CRX: variants seen among roughly 807,000 people sequenced by gnomAD.
The protein encoded by CRX is cone-rod homeobox.
A neutral mutation model predicts 13.1 loss-of-function variants in CRX; 5 were observed. The observed-to-expected ratio is 0.38, with a 90% confidence interval of 0.20 to 0.80. CRX has a LOEUF of 0.80. Ranked by LOEUF, CRX falls within the 30% of genes least tolerant of loss-of-function variation. CRX has a pLI of 0.43. For synonymous variants in CRX, 179 were observed against 171.1 expected, an observed-to-expected ratio of 1.05 and a Z score of -0.36; for missense variants, 351 against 391.8, an observed-to-expected ratio of 0.90 and a Z score of 0.88.
At position 47,842,020 on chromosome 19, in the gene CRX, C is replaced by A. The variant is rs1423178082; in HGVS notation, c.*2053C>A. ...AAGCTAGCAACCGGAGGTCACTGAA[C>A]TAAGAGTTGGGAAGAGATAGGGCAC... On this transcript the variant is annotated 3_prime_UTR_variant, in exon 4 of 4. Coordinates refer to ENST00000221996, the MANE Select transcript of CRX (RefSeq NM_000554.6). The A allele has an allele frequency of 6.6e-6, 1 of 152,270 alleles. No homozygotes were observed. Among genetic ancestry groups the A allele is most frequent in the South Asian group, 2.1e-4 (1 of 4,826 alleles). The allele number at this position is 152,270 out of a possible 1,614,324, so 9.4% of individuals were successfully genotyped here.
At chr19:47,832,726 T>A (rs1213031264) in intron 1 of CRX, among the ~76,000 whole-genome samples, 1 of 152,126 alleles carries the variant, frequency 6.6e-6, no homozygotes, top group Non-Finnish European at 1.5e-5. Flanking sequence ...CCTCAAGTGA[T>A]CTGCCTGCCT....
intron 3 of CRX, among the ~76,000 whole-genome samples, chr19:47,838,180 T>C (rs145448726): frequency 5.3e-5 from 8 of 152,222 alleles, no homozygotes; most frequent in African/African-American, 1.9e-4. Flanking sequence ...ATATGATGTA[T>C]GTATGATCAG....
intron 1 of CRX, among the ~76,000 whole-genome samples, chr19:47,830,768 C>T (rs1968034244): frequency 6.7e-6 from 1 of 149,086 alleles, no homozygotes; most frequent in Non-Finnish European, 1.5e-5. Flanking sequence ...TGCACTCCAG[C>T]CTGGGCGACA....
chr19:47,822,579 C>G (rs1291679888), intron 1 of CRX, among the ~76,000 whole-genome samples: 1 of 152,146 alleles, frequency 6.6e-6, no homozygotes, highest in Non-Finnish European at 1.5e-5. Flanking sequence ...GTGGCTGCAA[C>G]AGGAAGAACT....
rs1037485706 is a variant in CRX at position 47,832,112 on chromosome 19, T to G, written c.-35-2297T>G. 3.7e-5 allele frequency among the ~76,000 whole-genome samples: 5 copies of G among 135,190 alleles called. No homozygotes were observed. In the East Asian group the frequency reaches 5.9e-4, roughly 16 times the overall value. 88.7% of individuals were successfully genotyped at this position (135,190 alleles called of 152,430 possible). A position where few individuals can be genotyped will look rare whatever the true frequency, so the allele number is the denominator to read the frequency against. On this transcript the variant is annotated intron_variant, in intron 1 of 3. Coordinates refer to ENST00000221996, the MANE Select transcript of CRX (RefSeq NM_000554.6). ...TTCAGAGAGCAGCCTTATGTTTTTTTTTTTTTTTTTTGAGACGGAGTCTCG... is the reference window on the plus strand; with the variant it reads ...TTCAGAGAGCAGCCTTATGTTTTTTGTTTTTTTTTTTGAGACGGAGTCTCG...
At chr19:47,824,064 C>A (rs565132335) in intron 1 of CRX, among the ~76,000 whole-genome samples, 1 of 152,272 alleles carries the variant, frequency 6.6e-6, no homozygotes, top group African/African-American at 2.4e-5. Context: ...AAGCTGTCAC[C>A]ATGATCCAGC....
chr19:47,834,569 C>T (rs759140986), intron 2 of CRX, 26 bp downstream of exon 2: 38 of 1,593,202 alleles, frequency 2.4e-5, no homozygotes, highest in Non-Finnish European at 3.3e-5. Flanking sequence ...TCTCTTGGCA[C>T]CCCAGGCTGG....
At position 47,828,893 on chromosome 19, in the gene CRX, AACACACACACACACACACACACAC is replaced by A. The variant is rs59471457; in HGVS notation, c.-35-5490_-35-5467del. Among the ~76,000 whole-genome samples the A allele has an allele frequency of 2.2e-3, 291 of 134,144 alleles. 2 individuals are homozygous for A. The highest frequency in any genetic ancestry group is 7.4e-3 in the African/African-American group (263 of 35,454). 88.0% of individuals were successfully genotyped at this position (134,144 alleles called of 152,430 possible). A position where few individuals can be genotyped will look rare whatever the true frequency, so the allele number is the denominator to read the frequency against. On this transcript the variant is annotated intron_variant, in intron 1 of 3. Transcript: ENST00000221996. ...TATTGTTGTTTTTGCTTTTGACAAG[AACACACACACACACACACACACAC>A]ACACACACACACACACACACACACA... is the stretch of plus-strand genomic sequence containing the variant.
chr19:47,824,517 G>C (rs961666554), intron 1 of CRX, among the ~76,000 whole-genome samples: 1 of 152,168 alleles, frequency 6.6e-6, no homozygotes, highest in Non-Finnish European at 1.5e-5. Context: ...AGTTACTGTT[G>C]CCTGAGATCT....
rs769355351 is a variant in CRX, at chr19:47,839,731, C to A, written c.664C>A (p.Leu222Ile). Residue 222 changes from leucine to isoleucine, a missense_variant, in exon 4 of 4, where the codon CTT becomes ATT. Physicochemically the swap from Leu to Ile is conservative, Grantham distance 5. Around this residue, in one of 3 missense-constraint regions of CRX, gnomAD observed 253 missense variants for 268.3 expected, o/e 0.94. Coordinates refer to ENST00000221996, the MANE Select transcript of CRX (RefSeq NM_000554.6). This position sits in a 1 kb window ranked among gnomAD's most constrained non-coding sequence, Gnocchi z 4.6. The part of the protein sequence containing the change: ...SSYFSGLDPY[L>I]SPMVPQLGGP... Reference sequence around the variant, plus strand: ...CTATTTCAGCGGCCTAGACCCCTACCTTTCTCCCATGGTGCCCCAGCTAGG... The same window carrying A: ...CTATTTCAGCGGCCTAGACCCCTACATTTCTCCCATGGTGCCCCAGCTAGG... 7 of 1,614,106 alleles carry A rather than the reference C, an allele frequency of 4.3e-6. No homozygotes were observed. In the South Asian group the frequency reaches 7.7e-5, roughly 18 times the overall value.
intron 1 of CRX, among the ~76,000 whole-genome samples, chr19:47,822,587 A>T (rs1967925326): frequency 6.6e-6 from 1 of 151,970 alleles, no homozygotes; most frequent in Non-Finnish European, 1.5e-5. Context: ...AACAGGAAGA[A>T]CTCCGGGTGG....
In CRX at chr19:47,829,804, A is replaced by ATTT. The variant is rs71180889; in HGVS notation, c.-35-4596_-35-4594dup. 2.9e-3 allele frequency among the ~76,000 whole-genome samples: 409 copies of ATTT among 141,684 alleles called. 1 individual carries two copies. The highest frequency in any genetic ancestry group is 7.7e-3 in the Middle Eastern group (2 of 260). The allele number at this position is 141,684 out of a possible 152,430, so 93.0% of individuals were successfully genotyped here. Reference sequence around the variant, plus strand: ...ACCACCATGCCTGACCAATTTTTGTATTTTTTTTTTTGTGGAGACAGCGTT... The same window carrying ATTT: ...ACCACCATGCCTGACCAATTTTTGTATTTTTTTTTTTTTTGTGGAGACAGCGTT... On this transcript the variant is annotated intron_variant, in intron 1 of 3. Transcript: ENST00000221996.
intron 1 of CRX, among the ~76,000 whole-genome samples, chr19:47,827,949 T>A (rs1967996246): frequency 7.4e-6 from 1 of 135,914 alleles, no homozygotes; most frequent in Non-Finnish European, 1.5e-5. Flanking sequence ...AGGTCAGGAG[T>A]TCGAGACCAG....
At chr19:47,825,611 C>A (rs1967965524) in intron 1 of CRX, among the ~76,000 whole-genome samples, 1 of 152,126 alleles carries the variant, frequency 6.6e-6, no homozygotes, top group Non-Finnish European at 1.5e-5. Context: ...AGCCTCCTCT[C>A]CCCTATCCGT....
At chr19:47,834,843 C>T (rs561121834) in intron 2 of CRX, among the ~76,000 whole-genome samples, 45 of 152,246 alleles carry the variant, frequency 3.0e-4, no homozygotes, top group Non-Finnish European at 6.0e-4. Flanking sequence ...CAAGGTCTCA[C>T]ACTCTGTCAC....
At chr19:47,834,329 A>T in intron 1 of CRX, 80 bp from the exon 2 acceptor site, 1 of 814,528 alleles carries the variant, frequency 1.2e-6, no homozygotes. Context: ...AGAAGGAGGC[A>T]GGATTTGAAT....
At chr19:47,827,653 A>AAGC (rs1967990831) in intron 1 of CRX, among the ~76,000 whole-genome samples, 1 of 143,476 alleles carries the variant, frequency 7.0e-6, no homozygotes, top group African/African-American at 2.6e-5. Context: ...ATTCTCAAGT[A>AAGC]GTTGGGATTA....
chr19:47,841,947 G>C lies in CRX; in HGVS notation c.*1980G>C, dbSNP rs911747777. On this transcript the variant is annotated 3_prime_UTR_variant, in exon 4 of 4. Coordinates refer to ENST00000221996, the MANE Select transcript of CRX (RefSeq NM_000554.6). Reference sequence around the variant, plus strand: ...GGAAGAGGAAAAGGTTGGTTGTGGAGTGTTTGTCAGTTTCCGTGGTGTAAA... The same window carrying C: ...GGAAGAGGAAAAGGTTGGTTGTGGACTGTTTGTCAGTTTCCGTGGTGTAAA... The C allele has an allele frequency of 3.9e-5, 6 of 152,194 alleles. No homozygotes were observed. The highest frequency in any genetic ancestry group is 1.4e-4 in the African/African-American group (6 of 41,432). The allele number at this position is 152,194 out of a possible 1,614,324, so 9.4% of individuals were successfully genotyped here.
Position 47,824,361 on chromosome 19 carries a change from C to T in CRX, c.-36+2351C>T, listed in dbSNP as rs183700058. 2.0e-5 allele frequency among the ~76,000 whole-genome samples: 3 copies of T among 152,264 alleles called. No individual in the cohort carries two copies. The East Asian group carries it at 5.8e-4, about 29-fold the overall frequency. On this transcript the variant is annotated intron_variant, in intron 1 of 3. Transcript: ENST00000221996. ...ATATCGCCGGGTGATCAGGAGGGCA[C>T]CGGCTCCGGGGCAGGTGCTGGCCCA... is the stretch of plus-strand genomic sequence containing the variant.
Sources: gnomAD v4.1 joint callset for allele counts (sites outside exome capture counted in the v4.1 genomes callset) on GRCh38, gnomAD v4.1.1 for gene constraint, gnomAD v4.1.1 regional missense constraint, Gnocchi (gnomAD v3.1) non-coding constraint, MANE v1.5 for transcripts, NCBI Gene and HGNC (gene_info 2026-07-23, HGNC 2026-07-21) for gene names.